Variants in FAM76B observed in about 807,000 individuals in gnomAD.
FAM76B encodes protein FAM76B.
FAM76B carries 16 observed loss-of-function variants against 51.8 expected under a neutral mutation model. The observed-to-expected ratio is 0.31, with a 90% CI of 0.21 to 0.47. The LOEUF (loss-of-function observed/expected upper bound fraction) is 0.47, where lower values mean the gene tolerates loss of function less well. Among genes scored for constraint, FAM76B ranks in the 20% least tolerant of loss-of-function variants. The pLI, the probability that FAM76B is intolerant of heterozygous loss-of-function variation, is 1.00. For synonymous variants in FAM76B, 166 were observed against 129.5 expected (o/e 1.28, Z -1.91); for missense variants, 342 against 392.6 (o/e 0.87, Z 1.09).
Position 95,769,721 on chromosome 11 carries a change from G to A in FAM76B, c.*1840C>T, listed in dbSNP as rs917723329. On this transcript the variant is annotated 3_prime_UTR_variant, in exon 10 of 10. Coordinates refer to ENST00000358780, the MANE Select transcript of FAM76B (RefSeq NM_144664.5). ...TATGAATTTAGCAAATCCTGCAAAC[G>A]TTAAAATCCATGTTAAGGCATTATC... 5 of 151,470 alleles carry A rather than the reference G, an allele frequency of 3.3e-5. No individual in the cohort carries two copies. The highest frequency in any genetic ancestry group is 4.4e-5 in the Non-Finnish European group (3 of 67,650). 9.4% of individuals were successfully genotyped at this position (151,470 alleles called of 1,614,324 possible). A position where few individuals can be genotyped will look rare whatever the true frequency, so the allele number is the denominator to read the frequency against.
Position 95,786,274 on chromosome 11 carries a change from G to A in FAM76B, c.208C>T (p.Pro70Ser). ...ATGTTACAGTACTGACAAGGCTTGG[G>A]CTGAAAAACATACACATTTTGAGAC... ...CAQNVKQFGT[P>S]KPCQYCNIIA... Residue 70 changes from proline (P) to serine (S), a missense_variant and splice_region_variant, in exon 4 of 10, where the codon CCC (proline) becomes TCC (serine). Physicochemically the swap from Pro to Ser is moderately conservative, Grantham distance 74 (BLOSUM62 -1). Around this residue, in one of 3 missense-constraint regions of FAM76B, gnomAD observed 96 missense variants for 94.7 expected, o/e 1.01. Coordinates refer to ENST00000358780, the MANE Select transcript of FAM76B (RefSeq NM_144664.5). The A allele has an allele frequency of 6.2e-7, 1 of 1,613,616 alleles. No individual in the cohort carries two copies. The highest frequency in any genetic ancestry group is 1.3e-5 in the African/African-American group (1 of 74,994).
chr11:95,779,054 A>G (rs866636751), intron 7 of FAM76B, 97 bp from the exon 8 acceptor site: 2 of 1,593,470 alleles, frequency 1.3e-6, no homozygotes, highest in Middle Eastern at 3.3e-4. Flanking sequence ...AACATCCTTA[A>G]GGCTAATGCA....
At chr11:95,779,487 G>T in intron 7 of FAM76B, 120 bp downstream of exon 7, 1 of 878,410 alleles carries the variant, frequency 1.1e-6, no homozygotes. Context: ...ATTCTTCTAG[G>T]TGACTCAAGT....
intron 7 of FAM76B, 166 bp from the exon 8 acceptor site, chr11:95,779,123 A>G: frequency 6.3e-7 from 1 of 1,582,972 alleles, no homozygotes; most frequent in Non-Finnish European, 8.6e-7. Context: ...CTAATGGCAC[A>G]CATTACATAC....
rs1379667907 is a variant in FAM76B at position 95,789,647 on chromosome 11, C to A, written c.-169G>T. On this transcript the variant is annotated 5_prime_UTR_variant, in exon 1 of 10. Transcript: ENST00000358780. ...GCCCAGGGCCCCGCGGACGACGCCACCGTCTCCCTCCGCCTCCACTTCCGC... is the reference window on the plus strand; with the variant it reads ...GCCCAGGGCCCCGCGGACGACGCCAACGTCTCCCTCCGCCTCCACTTCCGC... The A allele has an allele frequency of 1.9e-6, 1 of 536,656 alleles. No individual in the cohort carries two copies. Among genetic ancestry groups the A allele is most frequent in the Non-Finnish European group, 3.2e-6 (1 of 311,752 alleles). The allele number at this position is 536,656 out of a possible 1,614,324, so 33.2% of individuals were successfully genotyped here.
chr11:95,775,940 T>C lies in FAM76B; in HGVS notation c.912A>G (p.Glu304=), dbSNP rs777256291. 6.3e-7 allele frequency: 1 copy of C among 1,587,174 alleles called. No individual in the cohort carries two copies. Among genetic ancestry groups the C allele is most frequent in the South Asian group, 1.2e-5 (1 of 86,518 alleles). ...KMNSMEKAHK[E]TVEQLQAKNR... is the part of the protein sequence containing the mutation. The stretch of plus-strand genomic sequence containing the variant: ...TAGTTACCTGAAGTTGTTCCACAGT[T>C]TCTTTGTGGGCTTTTTCCATACTGT... The change falls in exon 9 of 10, where the codon GAA becomes GAG. Residue 304 remains glutamate (E), a synonymous_variant. Coordinates refer to ENST00000358780, the MANE Select transcript of FAM76B (RefSeq NM_144664.5).
Position 95,779,947 on chromosome 11 carries a change from A to G in FAM76B, c.564-21T>C, listed in dbSNP as rs567778304. The G allele has an allele frequency of 3.8e-6, 6 of 1,594,052 alleles. No individual in the cohort carries two copies. In the African/African-American group the frequency reaches 5.4e-5, roughly 14 times the overall value. ...TGATTCTGAAAAATACACAAATGAC[A>G]TCTAATAATGACATTTATTTATTTA... is the stretch of plus-strand genomic sequence containing the variant. On this transcript the variant is annotated intron_variant, in intron 5 of 9. Transcript: ENST00000358780.
intron 4 of FAM76B, among the ~76,000 whole-genome samples, chr11:95,784,365 A>G (rs939715326): frequency 2.6e-5 from 4 of 152,078 alleles, no homozygotes; most frequent in Non-Finnish European, 4.4e-5. Context: ...GTGATGAAAT[A>G]ATCTGTGCAA....
At position 95,769,227 on chromosome 11, in the gene FAM76B, T is replaced by C. The variant is rs762477020; in HGVS notation, c.*2334A>G. On this transcript the variant is annotated 3_prime_UTR_variant, in exon 10 of 10. Transcript: ENST00000358780. The stretch of plus-strand genomic sequence containing the variant: ...GCTAAAAGCACAATACACCACACCA[T>C]AGTATCTCCTTACAGGTCCACATTT... The C allele has an allele frequency of 2.6e-5, 4 of 152,340 alleles. No homozygotes were observed. Among genetic ancestry groups the C allele is most frequent in the Non-Finnish European group, 4.4e-5 (3 of 67,860 alleles). 9.4% of individuals were successfully genotyped at this position (152,340 alleles called of 1,614,324 possible).
At chr11:95,788,653 A>G in intron 1 of FAM76B, 90 bp from the exon 2 acceptor site, 1 of 1,356,860 alleles carries the variant, frequency 7.4e-7, no homozygotes, top group East Asian at 2.3e-5. Context: ...ACCTAGTGAA[A>G]GTCTAAAACA....
At chr11:95,782,149 C>T (rs548132029) in intron 5 of FAM76B, among the ~76,000 whole-genome samples, 2 of 151,860 alleles carry the variant, frequency 1.3e-5, no homozygotes, top group Admixed American at 6.5e-5. Context: ...TTGATTTTTC[C>T]GTGAAGACTA....
Position 95,779,880 on chromosome 11 carries a change from T to C in FAM76B, c.610A>G (p.Ser204Gly). ...CAGAAAATACAGCAATGTATTTACCTCTGTTTCCACAGTCCCTGCTCTTCT... is the reference window on the plus strand; with the variant it reads ...CAGAAAATACAGCAATGTATTTACCCCTGTTTCCACAGTCCCTGCTCTTCT... ...PEEEQGLWKQ[S>G]HKSSATIQNE... Residue 204 changes from serine to glycine, a missense_variant and splice_region_variant, in exon 6 of 10, where the codon AGC (serine) becomes GGC (glycine). Physicochemically the swap from Ser to Gly is moderately conservative, Grantham distance 56. This residue lies in a region of FAM76B where 230 missense variants were observed against 257.4 expected (regional missense o/e 0.89). Transcript: ENST00000358780. 1.2e-6 allele frequency: 2 copies of C among 1,604,236 alleles called. No homozygotes were observed. Among genetic ancestry groups the C allele is most frequent in the Non-Finnish European group, 1.7e-6 (2 of 1,176,140 alleles).
chr11:95,777,810 T>A (rs1301173033), intron 8 of FAM76B, among the ~76,000 whole-genome samples: 1 of 151,312 alleles, frequency 6.6e-6, no homozygotes, highest in African/African-American at 2.4e-5. Context: ...TGGATATAAG[T>A]CATATATGTA....
intron 3 of FAM76B, 91 bp from the exon 4 acceptor site, chr11:95,786,365 A>G (rs1860588718): frequency 7.0e-7 from 1 of 1,430,744 alleles, no homozygotes; most frequent in Non-Finnish European, 9.3e-7. Flanking sequence ...TTCTGGAATT[A>G]AGAAAACTCA....
chr11:95,784,126 T>C (rs1266544915), intron 4 of FAM76B, among the ~76,000 whole-genome samples: 1 of 152,150 alleles, frequency 6.6e-6, no homozygotes, highest in African/African-American at 2.4e-5. Flanking sequence ...AACAAGATCA[T>C]GTCCCTTCCA....
intron 9 of FAM76B, among the ~76,000 whole-genome samples, chr11:95,774,356 T>A (rs1363140664): frequency 1.3e-5 from 2 of 151,396 alleles, no homozygotes; most frequent in African/African-American, 4.8e-5. Flanking sequence ...TTATACTACA[T>A]GAAACTTCAA....
chr11:95,771,140 T>A lies in FAM76B; in HGVS notation c.*421A>T, dbSNP rs1859747963. On this transcript the variant is annotated 3_prime_UTR_variant, in exon 10 of 10. Transcript: ENST00000358780. ...ACCAGTGTTCGCCATTTTTCGAGTT[T>A]AAAAGTTTTTGTATTTCTAAATTGA... 6.6e-6 allele frequency: 1 copy of A among 151,824 alleles called. No individual in the cohort carries two copies. Among genetic ancestry groups the A allele is most frequent in the Admixed American group, 6.6e-5 (1 of 15,122 alleles). The allele number at this position is 151,824 out of a possible 1,614,324, so 9.4% of individuals were successfully genotyped here.
chr11:95,775,255 G>A (rs1268384696), intron 9 of FAM76B, among the ~76,000 whole-genome samples: 1 of 151,490 alleles, frequency 6.6e-6, no homozygotes, highest in Non-Finnish European at 1.5e-5. Flanking sequence ...TAATATGGTA[G>A]CATTCTGTAT....
chr11:95,789,325 G>A, intron 1 of FAM76B, 67 bp downstream of exon 1: 1 of 1,499,402 alleles, frequency 6.7e-7, no homozygotes, highest in Non-Finnish European at 9.1e-7. Flanking sequence ...GCAGTGCAGC[G>A]GCTACCCGGC....
Sources: allele counts gnomAD v4.1 joint callset (sites outside exome capture counted in the v4.1 genomes callset), GRCh38; gene constraint gnomAD v4.1.1; regional missense constraint gnomAD v4.1.1; transcripts MANE v1.5; gene names NCBI Gene and HGNC (gene_info 2026-07-23, HGNC 2026-07-21).